The following GABRQ variants were observed in gnomAD, a reference collection of about 807,000 sequenced individuals.
GABRQ encodes gamma-aminobutyric acid type A receptor subunit theta.
A neutral mutation model predicts 30.5 loss-of-function variants in GABRQ; 19 were observed. The observed-to-expected ratio is 0.62, with a 90% CI of 0.43 to 0.91. GABRQ has a LOEUF of 0.91. Ranked by LOEUF, GABRQ falls within the 40% of genes least tolerant of loss-of-function variation. GABRQ has a pLI of 0.00. For missense variants in GABRQ, 520 were observed against 521.4 expected (o/e 1.00, Z 0.03); for synonymous variants, 187 against 210.2 (o/e 0.89, Z 0.95).
Position 152,657,348 on chromosome X carries a change from G to A in GABRQ, c.*4067G>A, listed in dbSNP as rs782583518. On this transcript the variant is annotated 3_prime_UTR_variant, in exon 9 of 9. Coordinates refer to ENST00000598523, the MANE Select transcript of GABRQ (RefSeq NM_018558.4). ...CCAAAAAGGGGCACAAAGCAGCAGA[G>A]CTTCACCAGGTGACTGGGTGGCTTC... The A allele has an allele frequency of 3.6e-5, 4 of 111,922 alleles. No homozygotes were observed. The South Asian group carries it at 1.5e-3, about 42-fold the overall frequency. The allele number at this position is 111,922 out of a possible 1,213,427, so 9.2% of individuals were successfully genotyped here. A position where few individuals can be genotyped will look rare whatever the true frequency, so the allele number is the denominator to read the frequency against.
intron 2 of GABRQ, among the ~76,000 whole-genome samples, chrX:152,644,251 CACAA>C (rs1167343082): frequency 3.5e-4 from 39 of 111,952 alleles, no homozygotes; most frequent in Non-Finnish European, 3.2e-4. Flanking sequence ...CATCCTCACA[CACAA>C]ACACATGCTC....
intron 2 of GABRQ, among the ~76,000 whole-genome samples, chrX:152,641,616 C>T (rs1234747500): frequency 9.0e-6 from 1 of 110,795 alleles, no homozygotes; most frequent in African/African-American, 3.2e-5. Context: ...AGTGTGAGAG[C>T]AGAAGGCACA....
At position 152,638,452 on chromosome X, in the gene GABRQ, TG is replaced by T. The variant is rs1326924594; in HGVS notation, c.149+107del. On this transcript the variant is annotated intron_variant, in intron 1 of 8. Transcript: ENST00000598523. ...GGAGCGGGCTGGGGGCGACTCGGGC[TG>T]GGGGGTACTCGGACCCGGGCTCGCT... The T allele has an allele frequency of 1.3e-3, 1,158 of 859,057 alleles. 1 individual carries two copies. The highest frequency in any genetic ancestry group is 1.7e-3 in the Non-Finnish European group (999 of 603,642). 70.8% of individuals were successfully genotyped at this position (859,057 alleles called of 1,213,427 possible).
At chrX:152,658,598 G>A (rs1365727483), downstream of GABRQ, among the ~76,000 whole-genome samples, 2 of 111,950 alleles carry the variant, frequency 1.8e-5, no homozygotes, top group East Asian at 5.6e-4. Flanking sequence ...TGTCATCCCT[G>A]CTCCTCTCAG....
In GABRQ at chrX:152,652,809, GTAT is replaced by G. The variant is rs57198283; in HGVS notation, c.1432_1434del (p.Ile478del). The G allele has an allele frequency of 5.7e-3, 6,929 of 1,209,928 alleles. 247 individuals are homozygous for G. The African/African-American group carries it at 0.1, about 18-fold the overall frequency. ...TTTAATGGTTTCCAGGCTGATGACA[GTAT>G]TATTCCTACCGAAATCCGCAACCGT... is the stretch of plus-strand genomic sequence containing the variant. On this transcript the variant is annotated inframe_deletion, in exon 9 of 9. Transcript: ENST00000598523.
At chrX:152,650,177 C>T (rs1930985642) in intron 6 of GABRQ, among the ~76,000 whole-genome samples, 2 of 112,013 alleles carry the variant, frequency 1.8e-5, no homozygotes, top group African/African-American at 6.5e-5. Flanking sequence ...TCTCCCATTC[C>T]AAAACTTCAC....
At chrX:152,645,451 A>G in intron 2 of GABRQ, 76 bp from the exon 3 acceptor site, 1 of 657,101 alleles carries the variant, frequency 1.5e-6, no homozygotes, top group South Asian at 2.3e-5. Context: ...GTTCAAACCC[A>G]GGCAGCCTGG....
intron 2 of GABRQ, among the ~76,000 whole-genome samples, chrX:152,643,533 G>A (rs782183724): frequency 5.3e-5 from 6 of 112,375 alleles, no homozygotes; most frequent in African/African-American, 1.9e-4. Flanking sequence ...AGAAAGCTTT[G>A]AGATGAGGAG....
At chrX:152,658,456 C>G (rs1470657183), downstream of GABRQ, among the ~76,000 whole-genome samples, 1 of 112,256 alleles carries the variant, frequency 8.9e-6, no homozygotes, top group South Asian at 3.7e-4. Flanking sequence ...AGGGCTCCCC[C>G]ATGTGGTCAC....
Position 152,657,129 on chromosome X carries a change from T to G in GABRQ, c.*3848T>G, listed in dbSNP as rs373623495. The G allele has an allele frequency of 2.8e-4, 31 of 112,396 alleles. No individual in the cohort carries two copies. The highest frequency in any genetic ancestry group is 9.1e-4 in the African/African-American group (28 of 30,938). 9.3% of individuals were successfully genotyped at this position (112,396 alleles called of 1,213,427 possible). On this transcript the variant is annotated 3_prime_UTR_variant, in exon 9 of 9. Transcript: ENST00000598523. ...TAAAGGTGCCCGAATTTAGCACAGC[T>G]GGCTGTGGTGCCTGACATAGGGCAG...
Position 152,637,986 on chromosome X carries a change from G to A in GABRQ, c.-217G>A, listed in dbSNP as rs1930650512. Among the ~76,000 whole-genome samples the A allele has an allele frequency of 2.7e-5, 3 of 113,191 alleles. No individual in the cohort carries two copies. Among genetic ancestry groups the A allele is most frequent in the Non-Finnish European group, 3.8e-5 (2 of 53,283 alleles). ...CTGCGTCCAGCAGAGCTGCTGGGTG[G>A]TTGCTCCTCCCGGGCTCTCATCTCC... On this transcript the variant is annotated 5_prime_UTR_variant, in exon 1 of 9. Coordinates refer to ENST00000598523, the MANE Select transcript of GABRQ (RefSeq NM_018558.4).
At chrX:152,644,022 C>T (rs782298870) in intron 2 of GABRQ, among the ~76,000 whole-genome samples, 3 of 112,248 alleles carry the variant, frequency 2.7e-5, no homozygotes, top group Non-Finnish European at 5.6e-5. Context: ...AATTTATTCA[C>T]ACACTTTAAC....
chrX:152,647,177 C>T lies in GABRQ; in HGVS notation c.527+9C>T. 2 of 1,150,595 alleles carry T rather than the reference C, an allele frequency of 1.7e-6. No individual in the cohort carries two copies. Among genetic ancestry groups the T allele is most frequent in the Non-Finnish European group, 2.4e-6 (2 of 839,981 alleles). 94.8% of individuals were successfully genotyped at this position (1,150,595 alleles called of 1,213,427 possible). On this transcript the variant is annotated intron_variant, in intron 4 of 8. Transcript: ENST00000598523. ...GTGCGGTACGGCATCCGGTGAGTCC[C>T]CTAGGGGTCTGGGGATGTCCCAGCA...
chrX:152,643,689 A>G (rs1930810934), intron 2 of GABRQ, among the ~76,000 whole-genome samples: 2 of 112,392 alleles, frequency 1.8e-5, no homozygotes, highest in African/African-American at 6.5e-5. Context: ...GTGCACTAAC[A>G]CAAACATTCA....
chrX:152,647,183 G>T lies in GABRQ; in HGVS notation c.527+15G>T. 1 of 1,126,265 alleles carries T rather than the reference G, an allele frequency of 8.9e-7. No individual in the cohort carries two copies. Among genetic ancestry groups the T allele is most frequent in the Non-Finnish European group, 1.2e-6 (1 of 818,249 alleles). The allele number at this position is 1,126,265 out of a possible 1,213,427, so 92.8% of individuals were successfully genotyped here. Reference sequence around the variant, plus strand: ...TACGGCATCCGGTGAGTCCCCTAGGGGTCTGGGGATGTCCCAGCAGACTTC... The same window carrying T: ...TACGGCATCCGGTGAGTCCCCTAGGTGTCTGGGGATGTCCCAGCAGACTTC... On this transcript the variant is annotated intron_variant, in intron 4 of 8. Transcript: ENST00000598523.
At chrX:152,646,308 G>A (rs1203683981) in intron 3 of GABRQ, among the ~76,000 whole-genome samples, 8 of 112,239 alleles carry the variant, frequency 7.1e-5, no homozygotes, top group African/African-American at 1.9e-4. Context: ...AAAGCACTGG[G>A]AACCCTCTGC....
chrX:152,643,067 G>T (rs1307412792), intron 2 of GABRQ, among the ~76,000 whole-genome samples: 3 of 112,177 alleles, frequency 2.7e-5, no homozygotes, highest in Non-Finnish European at 5.6e-5. Flanking sequence ...GGAGTTGCCT[G>T]AATCATGCGG....
intron 4 of GABRQ, among the ~76,000 whole-genome samples, chrX:152,647,885 G>A (rs782196300): frequency 2.7e-5 from 3 of 112,231 alleles, no homozygotes; most frequent in African/African-American, 9.7e-5. Flanking sequence ...CTGAGAAGTA[G>A]TTACCAGGGT....
chrX:152,648,938 G>A lies in GABRQ; in HGVS notation c.528-313G>A, dbSNP rs145260541. 2.4e-3 allele frequency among the ~76,000 whole-genome samples: 266 copies of A among 112,465 alleles called. 1 individual carries two copies. Among genetic ancestry groups the A allele is most frequent in the African/African-American group, 7.3e-3 (225 of 30,961 alleles). On this transcript the variant is annotated intron_variant, in intron 4 of 8. Transcript: ENST00000598523. Reference sequence around the variant, plus strand: ...CATCTGGAGTCTCAGCTGATTTGGCGTAGCACACAGTTTTCTCTTGCTAGC... The same window carrying A: ...CATCTGGAGTCTCAGCTGATTTGGCATAGCACACAGTTTTCTCTTGCTAGC...
Sources: allele counts gnomAD v4.1 joint callset (sites outside exome capture counted in the v4.1 genomes callset), GRCh38; gene constraint gnomAD v4.1.1; transcripts MANE v1.5; gene names NCBI Gene and HGNC (gene_info 2026-07-23, HGNC 2026-07-21).